TSPAN13: variants seen among roughly 807,000 people sequenced by gnomAD.
TSPAN13 encodes the protein tetraspanin 13, also known as tetraspanin-13.
In TSPAN13, 18 loss-of-function variants were observed where a neutral mutation model predicts 26.9. That is an observed-to-expected ratio of 0.67 (90% CI 0.46 to 0.99). The LOEUF is 0.99. TSPAN13 is among the 50% of genes least tolerant of loss of function. The pLI, the probability that TSPAN13 is intolerant of heterozygous loss-of-function variation, is 0.00. For missense variants in TSPAN13, 201 were observed against 249.6 expected, an observed-to-expected ratio of 0.81 and a Z score of 1.31; for synonymous variants, 116 against 98.4, an observed-to-expected ratio of 1.18 and a Z score of -1.06.
At chr7:16,755,961 A>G (rs74488768) in intron 1 of TSPAN13, among the ~76,000 whole-genome samples, 10,154 of 152,254 alleles carry the variant, frequency 0.067, 396 homozygotes, top group East Asian at 0.17. Context: ...TGAATTGGAA[A>G]TTCACGGGAC....
At chr7:16,778,587 C>T (rs554374690) in intron 4 of TSPAN13, among the ~76,000 whole-genome samples, 26 of 152,272 alleles carry the variant, frequency 1.7e-4, no homozygotes, top group African/African-American at 5.8e-4. Context: ...TGTTTTTTTG[C>T]TGCCTGTTGG....
chr7:16,756,290 A>C (rs1347676283), intron 1 of TSPAN13, among the ~76,000 whole-genome samples: 3 of 152,214 alleles, frequency 2.0e-5, no homozygotes, highest in African/African-American at 7.2e-5. Flanking sequence ...CATGAATAGA[A>C]ACATTCTTTG....
At chr7:16,781,607 G>C (rs1444780132) in intron 5 of TSPAN13, among the ~76,000 whole-genome samples, 2 of 152,222 alleles carry the variant, frequency 1.3e-5, no homozygotes, top group Non-Finnish European at 2.9e-5. Context: ...AGCCAAGTTG[G>C]AGGAATACAA....
chr7:16,767,458 C>T (rs943170709), intron 1 of TSPAN13, among the ~76,000 whole-genome samples: 12 of 151,918 alleles, frequency 7.9e-5, no homozygotes, highest in Non-Finnish European at 1.6e-4. Flanking sequence ...ATTCCCTAGT[C>T]GTGATGTTTG....
rs778168369 is a variant in TSPAN13, at chr7:16,779,045, A to G, written c.469A>G (p.Ile157Val). 9.3e-6 allele frequency: 15 copies of G among 1,614,034 alleles called. No individual in the cohort carries two copies. The highest frequency in any genetic ancestry group is 3.3e-5 in the South Asian group (3 of 91,084). ...CCACTCGTGCTCGCCATGTGCTCCA[A>G]TCATAGGAGAATATGCTGGAGAGGT... ...SDHSCSPCAP[I>V]IGEYAGEVLR... Residue 157 changes from isoleucine (I) to valine (V), a missense_variant, in exon 5 of 6, where the codon ATC (isoleucine) becomes GTC (valine). By Grantham distance (29) the Ile-to-Val change is conservative (BLOSUM62 3). Transcript: ENST00000262067.
At chr7:16,756,294 T>G (rs1292793657) in intron 1 of TSPAN13, among the ~76,000 whole-genome samples, 1 of 152,170 alleles carries the variant, frequency 6.6e-6, no homozygotes, top group East Asian at 1.9e-4. Context: ...AATAGAAACA[T>G]TCTTTGTAGG....
intron 1 of TSPAN13, among the ~76,000 whole-genome samples, chr7:16,771,367 A>G (rs911317668): frequency 2.0e-5 from 3 of 152,254 alleles, no homozygotes; most frequent in Admixed American, 2.0e-4. Context: ...AAAGTCGTTC[A>G]TATCCTAATC....
In TSPAN13 at chr7:16,783,794, TACCAC is replaced by T. The variant is rs1784840847; in HGVS notation, c.*304_*308del. Reference sequence around the variant, plus strand: ...TTACCTGCAGAAAAACTTTGTATGGTACCACTGTGTTGGTTATATGGTGAATCTGA... The same window carrying T: ...TTACCTGCAGAAAAACTTTGTATGGTTGTGTTGGTTATATGGTGAATCTGA... On this transcript the variant is annotated 3_prime_UTR_variant, in exon 6 of 6. Coordinates refer to ENST00000262067, the MANE Select transcript of TSPAN13 (RefSeq NM_014399.4). The T allele has an allele frequency of 2.6e-6, 1 of 384,478 alleles. No homozygotes were observed. Among genetic ancestry groups the T allele is most frequent in the Non-Finnish European group, 4.8e-6 (1 of 208,760 alleles). 23.8% of individuals were successfully genotyped at this position (384,478 alleles called of 1,614,324 possible).
intron 4 of TSPAN13, among the ~76,000 whole-genome samples, chr7:16,778,186 T>C (rs17136565): frequency 0.019 from 2,942 of 152,286 alleles, 28 homozygotes; most frequent in South Asian, 0.038. Flanking sequence ...GAACAAGTTG[T>C]GAAAGAAATA....
At chr7:16,755,042 C>T (rs952011614) in intron 1 of TSPAN13, among the ~76,000 whole-genome samples, 1 of 152,216 alleles carries the variant, frequency 6.6e-6, no homozygotes, top group African/African-American at 2.4e-5. Flanking sequence ...GATCTTTCCA[C>T]AGGCTGTCTC....
At chr7:16,781,342 A>G (rs977143024) in intron 5 of TSPAN13, among the ~76,000 whole-genome samples, 4 of 152,140 alleles carry the variant, frequency 2.6e-5, no homozygotes, top group Non-Finnish European at 4.4e-5. Context: ...TTCTACATAC[A>G]TTTTCATGTT....
Position 16,753,941 on chromosome 7 carries a change from C to T in TSPAN13, c.-27C>T, listed in dbSNP as rs1469893027. The T allele has an allele frequency of 1.9e-6, 3 of 1,608,698 alleles. No homozygotes were observed. The highest frequency in any genetic ancestry group is 2.5e-6 in the Non-Finnish European group (3 of 1,177,462). ...CCTCCGCCGGAGTCGAATTTACGTG[C>T]AGCTGCCGGCAACCACAGGTTCCAA... On this transcript the variant is annotated 5_prime_UTR_variant, in exon 1 of 6. Coordinates refer to ENST00000262067, the MANE Select transcript of TSPAN13 (RefSeq NM_014399.4).
At position 16,753,813 on chromosome 7, in the gene TSPAN13, C is replaced by T; in HGVS notation, c.-155C>T. The T allele has an allele frequency of 3.0e-6, 2 of 666,568 alleles. No individual in the cohort carries two copies. Among genetic ancestry groups the T allele is most frequent in the Non-Finnish European group, 4.8e-6 (2 of 419,250 alleles). 41.3% of individuals were successfully genotyped at this position (666,568 alleles called of 1,614,324 possible). A position where few individuals can be genotyped will look rare whatever the true frequency, so the allele number is the denominator to read the frequency against. On this transcript the variant is annotated 5_prime_UTR_variant, in exon 1 of 6. Coordinates refer to ENST00000262067, the MANE Select transcript of TSPAN13 (RefSeq NM_014399.4). ...CGGGTCCGAGCCGCCGCCGCGCGCG[C>T]GCCGCGCACTGCAGCCCCAGGCCCC...
intron 4 of TSPAN13, among the ~76,000 whole-genome samples, 153 bp from the exon 5 acceptor site, chr7:16,778,850 C>T (rs1784783424): frequency 6.6e-6 from 1 of 152,032 alleles, no homozygotes; most frequent in African/African-American, 2.4e-5. Context: ...GGGTGGGAGT[C>T]TTGGGGGCTG....
At chr7:16,781,211 G>A (rs1050886359) in intron 5 of TSPAN13, among the ~76,000 whole-genome samples, 4 of 152,112 alleles carry the variant, frequency 2.6e-5, no homozygotes, top group Admixed American at 6.5e-5. Flanking sequence ...AAAATTAGAC[G>A]TAGCTACTAA....
At chr7:16,776,895 A>T (rs1784757855) in intron 2 of TSPAN13, 147 bp from the exon 3 acceptor site, 2 of 468,298 alleles carry the variant, frequency 4.3e-6, no homozygotes, top group Non-Finnish European at 7.6e-6. Context: ...TAATATGTGT[A>T]TCCTTTTTGA....
intron 1 of TSPAN13, chr7:16,775,643 A>G (rs1421605723): frequency 6.6e-6 from 1 of 152,146 alleles, no homozygotes; most frequent in Non-Finnish European, 1.5e-5. Context: ...CTTACTCTCA[A>G]GTTGCTGCCA....
rs706068 is a variant in TSPAN13 at position 16,776,952 on chromosome 7, T to C, written c.232-90T>C. 3.3e-3 allele frequency: 2,545 copies of C among 766,200 alleles called. 50 individuals are homozygous for C. In the African/African-American group the frequency reaches 0.038, roughly 12 times the overall value. 47.5% of individuals were successfully genotyped at this position (766,200 alleles called of 1,614,324 possible). A position where few individuals can be genotyped will look rare whatever the true frequency, so the allele number is the denominator to read the frequency against. ...TTCTGTATTCTGGGTTAATTACTTC[T>C]TGTGCATTCTAAAGTTGTCAGTACC... On this transcript the variant is annotated intron_variant, in intron 2 of 5. Coordinates refer to ENST00000262067, the MANE Select transcript of TSPAN13 (RefSeq NM_014399.4).
At chr7:16,778,841 G>T (rs1317827022) in intron 4 of TSPAN13, among the ~76,000 whole-genome samples, 162 bp from the exon 5 acceptor site, 1 of 152,158 alleles carries the variant, frequency 6.6e-6, no homozygotes, top group Non-Finnish European at 1.5e-5. Flanking sequence ...GAGAGGGGAG[G>T]GTGGGAGTCT....
Sources: allele counts gnomAD v4.1 joint callset (sites outside exome capture counted in the v4.1 genomes callset), GRCh38; gene constraint gnomAD v4.1.1; transcripts MANE v1.5; gene names NCBI Gene and HGNC (gene_info 2026-07-23, HGNC 2026-07-21).